CEP97: variants seen among roughly 807,000 people sequenced by gnomAD.
CEP97 encodes centrosomal protein of 97 kDa.
CEP97 carries 43 observed loss-of-function variants against 73.1 expected under a neutral mutation model. The observed-to-expected ratio is 0.59, with a 90% confidence interval of 0.46 to 0.76. CEP97 has a LOEUF of 0.76. Ranked by LOEUF, CEP97 falls within the 30% of genes least tolerant of loss-of-function variation. The pLI is 0.00. For missense variants in CEP97, 939 were observed against 1,014.0 expected, an observed-to-expected ratio of 0.93 and a Z score of 1.00; for synonymous variants, 337 against 370.0, an observed-to-expected ratio of 0.91 and a Z score of 1.02.
At chr3:101,740,553 A>G (rs1050490249) in intron 6 of CEP97, among the ~76,000 whole-genome samples, 1 of 152,206 alleles carries the variant, frequency 6.6e-6, no homozygotes, top group Non-Finnish European at 1.5e-5. Context: ...AAAGTAATGT[A>G]TAGATTCAGT....
chr3:101,748,985 T>A (rs906871167), intron 6 of CEP97, among the ~76,000 whole-genome samples: 3 of 152,080 alleles, frequency 2.0e-5, no homozygotes, highest in Non-Finnish European at 1.5e-5. Context: ...AAACTAAACT[T>A]TTTTGGTTAA....
At chr3:101,724,802 A>T in intron 1 of CEP97, 83 bp downstream of exon 1, 1 of 1,429,096 alleles carries the variant, frequency 7.0e-7, no homozygotes, top group Non-Finnish European at 9.9e-7. Context: ...CTAGGTTTAG[A>T]TGTGCAGTTC....
rs1327916528 is a variant in CEP97, at chr3:101,731,922, T to G, written c.530T>G (p.Leu177Trp). ...YLPRSLAILS[L>W]AENEIRDLNE... ...CCCAGAAGTCTTGCTATACTTTCTT[T>G]GGCAGAAAATGAAATCCGAGACTTA... The change falls in exon 5 of 11, where the codon TTG becomes TGG. Residue 177 changes from leucine (L) to tryptophan (W), a missense_variant. By Grantham distance (61) the Leu-to-Trp change is moderately conservative. Transcript: ENST00000341893. The G allele has an allele frequency of 1.2e-6, 2 of 1,606,834 alleles. No homozygotes were observed. Among genetic ancestry groups the G allele is most frequent in the South Asian group, 1.1e-5 (1 of 90,888 alleles).
chr3:101,739,153 A>G (rs1406910625), intron 6 of CEP97, among the ~76,000 whole-genome samples: 1 of 152,188 alleles, frequency 6.6e-6, no homozygotes, highest in Non-Finnish European at 1.5e-5. Context: ...ATCAATAACA[A>G]GTTCTGATAT....
intron 6 of CEP97, among the ~76,000 whole-genome samples, chr3:101,733,098 G>C (rs1331743091): frequency 6.6e-6 from 1 of 152,108 alleles, no homozygotes; most frequent in East Asian, 1.9e-4. Context: ...ACTCTACCTT[G>C]GGTGACAGAG....
chr3:101,735,579 C>T (rs991036878), intron 6 of CEP97, among the ~76,000 whole-genome samples: 6 of 152,122 alleles, frequency 3.9e-5, no homozygotes, highest in African/African-American at 9.7e-5. Flanking sequence ...TTGCCTCACC[C>T]GGGAAGTGCA....
rs748699930 is a variant in CEP97 at position 101,765,145 on chromosome 3, C to G, written c.2192C>G (p.Ser731Cys). The change falls in exon 11 of 11, where the codon TCC (serine) becomes TGC (cysteine). Residue 731 changes from serine (S) to cysteine (C), a missense_variant. Physicochemically the swap from Ser to Cys is moderately radical, Grantham distance 112. Coordinates refer to ENST00000341893, the MANE Select transcript of CEP97 (RefSeq NM_024548.4). ...AGTTCCACAGAAGGCAGTGAAAGCT[C>G]CATAATGGGGAATTCCATTGACACA... is the stretch of plus-strand genomic sequence containing the variant. ...EKSSTEGSES[S>C]IMGNSIDTVR... The G allele has an allele frequency of 6.2e-7, 1 of 1,614,160 alleles. No individual in the cohort carries two copies. The highest frequency in any genetic ancestry group is 8.5e-7 in the Non-Finnish European group (1 of 1,180,034).
At chr3:101,728,632 T>G (rs981899629) in intron 3 of CEP97, among the ~76,000 whole-genome samples, 5 of 152,190 alleles carry the variant, frequency 3.3e-5, no homozygotes, top group Admixed American at 2.0e-4. Flanking sequence ...CCTCTACTCA[T>G]AGAGAGATAA....
In CEP97 at chr3:101,732,534, T is replaced by G; in HGVS notation, c.608T>G (p.Met203Arg). 1 of 1,613,728 alleles carries G rather than the reference T, an allele frequency of 6.2e-7. No individual in the cohort carries two copies. Among genetic ancestry groups the G allele is most frequent in the Non-Finnish European group, 8.5e-7 (1 of 1,179,662 alleles). ...ACTGAATTGGAACAGTTGTCGATTATGAACAATCCTTGTGTGATGGCAACA... is the reference window on the plus strand; with the variant it reads ...ACTGAATTGGAACAGTTGTCGATTAGGAACAATCCTTGTGTGATGGCAACA... ...SLTELEQLSIMNNPCVMATPS... is the reference protein window; with the variant it reads ...SLTELEQLSIRNNPCVMATPS... Residue 203 changes from methionine (M) to arginine (R), a missense_variant, in exon 6 of 11, where the codon ATG becomes AGG. Transcript: ENST00000341893.
At chr3:101,732,774 T>G in intron 6 of CEP97, 120 bp downstream of exon 6, 1 of 763,446 alleles carries the variant, frequency 1.3e-6, no homozygotes, top group Non-Finnish European at 2.1e-6. Flanking sequence ...AGTGCAGTCA[T>G]GTAGCAGACT....
chr3:101,764,551 C>T (rs1016875602), intron 10 of CEP97, among the ~76,000 whole-genome samples: 9 of 150,226 alleles, frequency 6.0e-5, no homozygotes, highest in South Asian at 2.1e-4. Context: ...GTGGAGGTTG[C>T]GGTAAGCCGA....
intron 6 of CEP97, among the ~76,000 whole-genome samples, chr3:101,744,294 A>G (rs1938547189): frequency 6.6e-6 from 1 of 152,020 alleles, no homozygotes; most frequent in Admixed American, 6.6e-5. Flanking sequence ...AAAAAAAGAA[A>G]AAAAAAAGGG....
chr3:101,735,753 A>G (rs1330932810), intron 6 of CEP97, among the ~76,000 whole-genome samples: 2 of 152,176 alleles, frequency 1.3e-5, no homozygotes, highest in African/African-American at 2.4e-5. Flanking sequence ...CCTGGGTTTC[A>G]AGCACAAAAG....
intron 6 of CEP97, among the ~76,000 whole-genome samples, chr3:101,748,877 T>A (rs1938708238): frequency 6.6e-6 from 1 of 152,142 alleles, no homozygotes; most frequent in African/African-American, 2.4e-5. Flanking sequence ...CCTGACCTCA[T>A]GATCCGCCCA....
Position 101,765,092 on chromosome 3 carries a change from A to T in CEP97, c.2139A>T (p.Ser713=). ...CCTCTCTAACAGAACAAGTTCATTC[A>T]TTGCAGCATTCTTTGGATTTTGAGA... ...FHSSLTEQVH[S]LQHSLDFEKS... is the part of the protein sequence containing the mutation. Residue 713 remains serine, a synonymous_variant, in exon 11 of 11, where the codon TCA becomes TCT. Transcript: ENST00000341893. The T allele has an allele frequency of 6.2e-7, 1 of 1,614,192 alleles. No homozygotes were observed.
At chr3:101,754,583 T>G (rs568673688) in intron 6 of CEP97, among the ~76,000 whole-genome samples, 1 of 152,350 alleles carries the variant, frequency 6.6e-6, no homozygotes, top group Admixed American at 6.5e-5. Context: ...TGGGGCCTCC[T>G]GGGCTTGCAC....
chr3:101,754,718 C>T (rs911543384), intron 6 of CEP97, among the ~76,000 whole-genome samples: 3 of 152,116 alleles, frequency 2.0e-5, no homozygotes, highest in African/African-American at 2.4e-5. Context: ...TTCTCTCTCT[C>T]TCCCTTGCTT....
At position 101,755,612 on chromosome 3, in the gene CEP97, T is replaced by C; in HGVS notation, c.893+18T>C. On this transcript the variant is annotated intron_variant, in intron 7 of 10. Transcript: ENST00000341893. ...AAACAGAGGTAAGCCCATTTATTTC[T>C]AACAACTGATGAATTCACAAGTTAA... 1.9e-6 allele frequency: 3 copies of C among 1,611,540 alleles called. No homozygotes were observed. Among genetic ancestry groups the C allele is most frequent in the Non-Finnish European group, 2.5e-6 (3 of 1,177,838 alleles).
chr3:101,751,698 G>C (rs1294960428), intron 6 of CEP97, among the ~76,000 whole-genome samples: 2 of 152,074 alleles, frequency 1.3e-5, no homozygotes, highest in Non-Finnish European at 2.9e-5. Context: ...GATCTTTGTT[G>C]GTTAAAGTCT....
Sources: allele counts gnomAD v4.1 joint callset (sites outside exome capture counted in the v4.1 genomes callset), GRCh38; gene constraint gnomAD v4.1.1; transcripts MANE v1.5; gene names NCBI Gene and HGNC (gene_info 2026-07-23, HGNC 2026-07-21).